The following CCDC30 variants were observed in gnomAD, a reference collection of about 807,000 sequenced individuals.
CCDC30 encodes the protein coiled-coil domain containing 30, also known as coiled-coil domain-containing protein 30.
In CCDC30, 70 loss-of-function variants were observed where a neutral mutation model predicts 100.2. The observed-to-expected ratio is 0.70, with a 90% CI of 0.58 to 0.85. CCDC30 has a LOEUF of 0.85. CCDC30 is among the 40% of genes least tolerant of loss of function. CCDC30 has a pLI of 0.00. For missense variants in CCDC30, 652 were observed against 771.2 expected (o/e 0.85, Z 1.83); for synonymous variants, 233 against 269.5 (o/e 0.86, Z 1.33).
chr1:42,492,161 A>C (rs1465852649), intron 4 of CCDC30: 1 of 249,836 alleles, frequency 4.0e-6, no homozygotes, highest in Non-Finnish European at 7.9e-6. Flanking sequence ...TTTACTAAAA[A>C]ACACAATCTG....
chr1:42,629,122 T>C (rs548312780), intron 11 of CCDC30, among the ~76,000 whole-genome samples: 2 of 152,342 alleles, frequency 1.3e-5, no homozygotes, highest in East Asian at 1.9e-4. Flanking sequence ...TACCAGTGAG[T>C]CTTATACCTT....
chr1:42,517,536 A>AT (rs1644572956), intron 6 of CCDC30, among the ~76,000 whole-genome samples: 1 of 152,168 alleles, frequency 6.6e-6, no homozygotes, highest in African/African-American at 2.4e-5. Flanking sequence ...CTGCAAAAGA[A>AT]TTTTACAGTT....
At chr1:42,514,798 C>T (rs112957474) in intron 6 of CCDC30, among the ~76,000 whole-genome samples, 20,688 of 152,070 alleles carry the variant, frequency 0.14, 1,545 homozygotes, top group East Asian at 0.18. Context: ...AGATTATAGG[C>T]ACCTGCCATC....
the CCDC30 span, chr1:42,456,128 C>T: frequency 7.0e-6 from 5 of 718,500 alleles, no homozygotes; most frequent in East Asian, 8.0e-5. Context: ...GGACGTGACT[C>T]GACTAACATC....
chr1:42,489,249 A>C (rs1319090194), intron 3 of CCDC30, among the ~76,000 whole-genome samples: 2 of 152,202 alleles, frequency 1.3e-5, no homozygotes, highest in African/African-American at 4.8e-5. Context: ...AACTTGCTTA[A>C]CTTTTCTGAG....
At chr1:42,527,841 T>C (rs1644744630) in intron 6 of CCDC30, among the ~76,000 whole-genome samples, 1 of 151,858 alleles carries the variant, frequency 6.6e-6, no homozygotes, top group African/African-American at 2.4e-5. Flanking sequence ...TACTCTTTCT[T>C]TTTTTTTCTT....
intron 3 of CCDC30, 53 bp downstream of exon 3, chr1:42,482,869 C>A: frequency 2.7e-6 from 3 of 1,114,210 alleles, no homozygotes; most frequent in Non-Finnish European, 3.4e-6. Context: ...CTGTACTGAT[C>A]TCATCTCAGG....
chr1:42,642,679 T>G, intron 13 of CCDC30, 70 bp downstream of exon 17: 1 of 1,338,342 alleles, frequency 7.5e-7, no homozygotes, highest in Non-Finnish European at 9.8e-7. Context: ...AAAGAGATGG[T>G]TCTAGAGACT....
intron 1 of CCDC30, among the ~76,000 whole-genome samples, chr1:42,472,541 A>G (rs1643805107): frequency 6.6e-6 from 1 of 152,198 alleles, no homozygotes; most frequent in Admixed American, 6.5e-5. Context: ...ATTTCTAAAT[A>G]TGCAATAAAA....
chr1:42,637,208 T>C (rs1370360482), intron 11 of CCDC30, 29 bp from the exon 16 acceptor site: 5 of 1,553,602 alleles, frequency 3.2e-6, no homozygotes, highest in Non-Finnish European at 4.3e-6. Context: ...TGTGTTCAGA[T>C]GTGTCTAAAC....
intron 12 of CCDC30, among the ~76,000 whole-genome samples, chr1:42,639,856 C>T (rs936670327): frequency 1.3e-5 from 2 of 151,430 alleles, no homozygotes; most frequent in Admixed American, 1.3e-4. Flanking sequence ...ATCCCAGCTA[C>T]TTGGGAGGCT....
At chr1:42,462,589 A>G (rs906031861), upstream of CCDC30, among the ~76,000 whole-genome samples, 4 of 152,150 alleles carry the variant, frequency 2.6e-5, no homozygotes, top group African/African-American at 9.7e-5. Context: ...CAGCAAAGCA[A>G]GGGCCCCCAA....
intron 1 of CCDC30, among the ~76,000 whole-genome samples, chr1:42,465,330 C>T (rs1643537690): frequency 6.6e-6 from 1 of 152,104 alleles, no homozygotes; most frequent in Admixed American, 6.6e-5. Context: ...AAATTCCTGT[C>T]ATTCTAGGAC....
intron 4 of CCDC30, among the ~76,000 whole-genome samples, chr1:42,493,418 T>C (rs534498943): frequency 6.6e-6 from 1 of 152,022 alleles, no homozygotes; most frequent in South Asian, 2.1e-4. Flanking sequence ...TGAAACCCCG[T>C]GTCTACTAAA....
intron 11 of CCDC30, among the ~76,000 whole-genome samples, chr1:42,621,747 G>C (rs1646839213): frequency 6.6e-6 from 1 of 152,016 alleles, no homozygotes; most frequent in Non-Finnish European, 1.5e-5. Flanking sequence ...TCCTGACCTT[G>C]TGATCCGCCC....
At chr1:42,572,307 A>AT (rs576236606) in intron 7 of CCDC30, among the ~76,000 whole-genome samples, 30 of 152,036 alleles carry the variant, frequency 2.0e-4, no homozygotes, top group Non-Finnish European at 4.3e-4. Context: ...TGGCATTTGA[A>AT]TTTCTGTTTT....
intron 1 of CCDC30, among the ~76,000 whole-genome samples, chr1:42,470,806 G>A (rs1057272571): frequency 1.3e-5 from 2 of 152,140 alleles, no homozygotes; most frequent in Admixed American, 1.3e-4. Context: ...TGGGGGTGAG[G>A]GGAATGAGAA....
intron 10 of CCDC30, chr1:42,590,223 C>A (rs6661470): frequency 1.3e-5 from 2 of 151,990 alleles, no homozygotes; most frequent in Admixed American, 1.3e-4. Context: ...GACCAGATGC[C>A]GATACCATGC....
rs919753524 is a variant in CCDC30 at position 42,535,436 on chromosome 1, T to C, written c.457-30860T>C. 2.2e-4 allele frequency among the ~76,000 whole-genome samples: 34 copies of C among 151,492 alleles called. 1 individual carries two copies. Among genetic ancestry groups the C allele is most frequent in the Non-Finnish European group, 1.2e-4 (8 of 67,940 alleles). ...TTGTTGGAAACCAGTAGAACAGGACTGGGAGGGCTGTTCCTACATACCACT... is the reference window on the plus strand; with the variant it reads ...TTGTTGGAAACCAGTAGAACAGGACCGGGAGGGCTGTTCCTACATACCACT... On this transcript the variant is annotated intron_variant, in intron 6 of 16. Transcript: ENST00000668663.
Sources: allele counts gnomAD v4.1 joint callset (sites outside exome capture counted in the v4.1 genomes callset), GRCh38; gene constraint gnomAD v4.1.1; transcripts MANE v1.5; gene names NCBI Gene and HGNC (gene_info 2026-07-23, HGNC 2026-07-21).